Variants in CCDC7 observed in about 807,000 individuals in gnomAD.
CCDC7 encodes the protein coiled-coil domain-containing protein 7.
CCDC7 carries 183 observed loss-of-function variants against 196.9 expected under a neutral mutation model. The ratio of observed to expected loss-of-function variants is 0.93; its 90% CI spans 0.82 to 1.05. The LOEUF is 1.05. Among genes scored for constraint, CCDC7 ranks in the 50% least tolerant of loss-of-function variants. The pLI is 0.00. For missense variants in CCDC7, 1,540 were observed against 1,482.2 expected (o/e 1.04, Z -0.64); for synonymous variants, 525 against 484.6 (o/e 1.08, Z -1.10).
intron 20 of CCDC7, among the ~76,000 whole-genome samples, chr10:32,654,496 T>C (rs2069392371): frequency 6.6e-6 from 1 of 152,234 alleles, no homozygotes; most frequent in South Asian, 2.1e-4. Context: ...TTTGTTTGAT[T>C]AGTGCATTTC....
rs189092065 is a variant in CCDC7 at position 32,779,965 on chromosome 10, C to T, written c.3013+881C>T. Among the ~76,000 whole-genome samples, 606 of 152,250 alleles carry T rather than the reference C, an allele frequency of 4.0e-3. 4 individuals carry two copies. The highest frequency in any genetic ancestry group is 6.0e-3 in the Non-Finnish European group (410 of 68,020). On this transcript the variant is annotated intron_variant, in intron 29 of 41. Coordinates refer to ENST00000639629, the Ensembl canonical transcript of CCDC7. ...GCCCTGTTAAAACTTCTAGGCTGGG[C>T]GCAGTGGCTCACGCCTGTAATCCAA...
intron 6 of CCDC7, 39 bp downstream of exon 7, chr10:32,471,269 A>G (rs1241003603): frequency 6.3e-7 from 1 of 1,590,502 alleles, no homozygotes; most frequent in Admixed American, 1.8e-5. Context: ...TAAAAACAGT[A>G]AGAAAGGGTA....
intron 28 of CCDC7, among the ~76,000 whole-genome samples, chr10:32,744,292 T>C (rs917552420): frequency 6.6e-6 from 1 of 151,524 alleles, no homozygotes; most frequent in Non-Finnish European, 1.5e-5. Flanking sequence ...CCAGATTAAA[T>C]GTAGAGAGAC....
chr10:32,641,079 C>G (rs2066711525), intron 20 of CCDC7, among the ~76,000 whole-genome samples: 1 of 152,156 alleles, frequency 6.6e-6, no homozygotes, highest in East Asian at 1.9e-4. Context: ...TCTGGCTGCC[C>G]TTAACATTTT....
At chr10:32,633,701 T>TATATAC (rs1430258989) in intron 18 of CCDC7, among the ~76,000 whole-genome samples, 1 of 116,480 alleles carries the variant, frequency 8.6e-6, no homozygotes, top group Non-Finnish European at 1.6e-5. Flanking sequence ...TATATATGTG[T>TATATAC]GTGTGTGTGT....
At chr10:32,564,020 C>G (rs562631089) in intron 13 of CCDC7, among the ~76,000 whole-genome samples, 1 of 152,270 alleles carries the variant, frequency 6.6e-6, no homozygotes, top group South Asian at 2.1e-4. Flanking sequence ...CAAAAGAAGA[C>G]ATTTATGCAG....
intron 3 of CCDC7, among the ~76,000 whole-genome samples, chr10:32,461,722 TA>T (rs2035728161): frequency 6.0e-5 from 2 of 33,278 alleles, no homozygotes; most frequent in Non-Finnish European, 2.2e-4. Context: ...TATATATATA[TA>T]TATATATGTA....
chr10:32,476,012 A>T (rs1442040846), intron 8 of CCDC7, among the ~76,000 whole-genome samples: 1 of 152,212 alleles, frequency 6.6e-6, no homozygotes, highest in African/African-American at 2.4e-5. Flanking sequence ...AACATTTTGC[A>T]TTAATGTGAT....
chr10:32,723,626 C>T (rs537118354), intron 25 of CCDC7, among the ~76,000 whole-genome samples: 5 of 152,178 alleles, frequency 3.3e-5, no homozygotes, highest in African/African-American at 1.2e-4. Context: ...CCAGTCCTCT[C>T]TTCCTCCTCC....
chr10:32,859,816 A>G (rs928922188), intron 41 of CCDC7, among the ~76,000 whole-genome samples: 10 of 152,258 alleles, frequency 6.6e-5, no homozygotes, highest in Non-Finnish European at 1.3e-4. Context: ...AATCTAGAAG[A>G]AATGGATAAA....
intron 28 of CCDC7, among the ~76,000 whole-genome samples, chr10:32,777,593 A>G (rs994899760): frequency 5.3e-5 from 8 of 152,080 alleles, no homozygotes; most frequent in African/African-American, 1.7e-4. Flanking sequence ...GTGGTGGCTC[A>G]TGCCTGTCAT....
intron 14 of CCDC7, 25 bp from the exon 16 acceptor site, chr10:32,567,644 AT>A: frequency 6.3e-7 from 1 of 1,587,216 alleles, no homozygotes; most frequent in South Asian, 1.2e-5. Flanking sequence ...AAAATGCTTA[AT>A]AAACTGGTAC....
intron 32 of CCDC7, 87 bp downstream of exon 33, chr10:32,824,691 T>C: frequency 1.3e-6 from 1 of 760,958 alleles, no homozygotes; most frequent in Admixed American, 2.4e-5. Context: ...ACAGTACCTA[T>C]ATGTAATTAT....
In CCDC7 at chr10:32,719,213, T is replaced by C. The variant is rs190289561; in HGVS notation, c.2569+7483T>C. On this transcript the variant is annotated intron_variant, in intron 25 of 41. Coordinates refer to ENST00000639629, the Ensembl canonical transcript of CCDC7. ...TGGAACAGAACAGAGGACTCAGAAA[T>C]AATGTTACGCATGTAGAACCAACTG... Among the ~76,000 whole-genome samples the C allele has an allele frequency of 2.0e-5, 3 of 152,236 alleles. No individual in the cohort carries two copies. The East Asian group carries it at 5.8e-4, about 29-fold the overall frequency.
intron 40 of CCDC7, among the ~76,000 whole-genome samples, chr10:32,854,194 T>C (rs1271204345): frequency 6.6e-6 from 1 of 152,142 alleles, no homozygotes; most frequent in Non-Finnish European, 1.5e-5. Flanking sequence ...TGTACTCTTA[T>C]AATGCACTCT....
chr10:32,672,161 A>G (rs1377637520), intron 21 of CCDC7, among the ~76,000 whole-genome samples: 1 of 152,166 alleles, frequency 6.6e-6, no homozygotes, highest in African/African-American at 2.4e-5. Flanking sequence ...ACTTATGCCC[A>G]GGGCACATGC....
intron 28 of CCDC7, among the ~76,000 whole-genome samples, chr10:32,734,296 A>G (rs1041581978): frequency 2.0e-5 from 3 of 152,218 alleles, no homozygotes; most frequent in African/African-American, 7.2e-5. Flanking sequence ...TTGCAGGAAC[A>G]TGGATGGAGC....
chr10:32,601,627 ACTCTGTAAAAATGTACCAATCAGTG>A (rs1289157311), intron 18 of CCDC7, among the ~76,000 whole-genome samples: 8 of 152,116 alleles, frequency 5.3e-5, no homozygotes, highest in Non-Finnish European at 1.0e-4. Context: ...ACCAATCAGC[ACTCTGTAAAAATGTACCAATCAGTG>A]CTCTGTGTCT....
intron 13 of CCDC7, among the ~76,000 whole-genome samples, chr10:32,546,109 G>A (rs2052419727): frequency 6.6e-6 from 1 of 152,056 alleles, no homozygotes; most frequent in Non-Finnish European, 1.5e-5. Context: ...ACTGTCTCCT[G>A]AAAAACATAT....
Sources: gnomAD v4.1 joint callset for allele counts (sites outside exome capture counted in the v4.1 genomes callset) on GRCh38, gnomAD v4.1.1 for gene constraint, MANE v1.5 for transcripts, NCBI Gene and HGNC (gene_info 2026-07-23, HGNC 2026-07-21) for gene names.